DYNC1I1: variants seen among roughly 807,000 people sequenced by gnomAD.
DYNC1I1 encodes the protein dynein cytoplasmic 1 intermediate chain 1, also known as cytoplasmic dynein 1 intermediate chain 1.
DYNC1I1 carries 43 observed loss-of-function variants against 86.6 expected under a neutral mutation model. That is an observed-to-expected ratio of 0.50 (90% confidence interval 0.39 to 0.64). The LOEUF is 0.64. Among genes scored for constraint, DYNC1I1 ranks in the 30% least tolerant of loss-of-function variants. DYNC1I1 has a pLI of 0.00. For missense variants in DYNC1I1, 604 were observed against 788.8 expected, an observed-to-expected ratio of 0.77 and a Z score of 2.81; for synonymous variants, 262 against 283.7, an observed-to-expected ratio of 0.92 and a Z score of 0.77.
chr7:95,944,567 A>G (rs1210085075), intron 6 of DYNC1I1, among the ~76,000 whole-genome samples: 1 of 152,172 alleles, frequency 6.6e-6, no homozygotes, highest in Non-Finnish European at 1.5e-5. Context: ...ATAAAGACAC[A>G]TGCACATGTA....
intron 15 of DYNC1I1, among the ~76,000 whole-genome samples, chr7:96,078,338 C>G (rs1790404988): frequency 1.3e-5 from 2 of 152,080 alleles, no homozygotes; most frequent in Admixed American, 1.3e-4. Context: ...AAACAAAGTA[C>G]AGTATAAGAG....
chr7:95,804,307 G>A (rs1441362956), intron 1 of DYNC1I1: 7 of 1,204,454 alleles, frequency 5.8e-6, no homozygotes, highest in Middle Eastern at 2.3e-4. Context: ...TTTATGACAG[G>A]CTGTTTTCTT....
chr7:95,964,735 T>A (rs1792964243), intron 6 of DYNC1I1, among the ~76,000 whole-genome samples: 1 of 152,188 alleles, frequency 6.6e-6, no homozygotes, highest in East Asian at 1.9e-4. Context: ...ACAAGTGCCA[T>A]GTGCCAGGGC....
intron 14 of DYNC1I1, 104 bp downstream of exon 14, chr7:96,039,525 G>A (rs1408290031): frequency 4.1e-6 from 6 of 1,451,518 alleles, no homozygotes; most frequent in Non-Finnish European, 2.8e-6. Flanking sequence ...AGGCAACCTG[G>A]CATTGGGAAT....
chr7:96,017,619 A>G (rs775738086), intron 10 of DYNC1I1, among the ~76,000 whole-genome samples: 1 of 152,208 alleles, frequency 6.6e-6, no homozygotes, highest in Non-Finnish European at 1.5e-5. Context: ...ATTATTTCAT[A>G]TCATGTGAGT....
At chr7:96,000,326 C>T (rs1321001432) in intron 10 of DYNC1I1, among the ~76,000 whole-genome samples, 2 of 152,062 alleles carry the variant, frequency 1.3e-5, no homozygotes, top group East Asian at 3.9e-4. Flanking sequence ...TTCAAAGTGC[C>T]TCAGGATGGG....
At chr7:96,003,368 G>C (rs1193784769) in intron 10 of DYNC1I1, among the ~76,000 whole-genome samples, 1 of 152,174 alleles carries the variant, frequency 6.6e-6, no homozygotes, top group African/African-American at 2.4e-5. Flanking sequence ...CATTTGCCGT[G>C]CTTAACACAC....
At chr7:96,044,656 C>T (rs867911469) in intron 14 of DYNC1I1, among the ~76,000 whole-genome samples, 26 of 152,090 alleles carry the variant, frequency 1.7e-4, no homozygotes, top group African/African-American at 6.3e-4. Context: ...AACAGAAGAG[C>T]AGGTAAGGAT....
At chr7:95,919,503 T>C (rs1199094736) in intron 6 of DYNC1I1, among the ~76,000 whole-genome samples, 1 of 152,214 alleles carries the variant, frequency 6.6e-6, no homozygotes, top group African/African-American at 2.4e-5. Flanking sequence ...TAGGTAAATA[T>C]GTAAAACAAA....
Position 95,973,729 on chromosome 7 carries a change from G to T in DYNC1I1, c.491-3783G>T, listed in dbSNP as rs1350583478. On this transcript the variant is annotated intron_variant, in intron 6 of 16. Coordinates refer to ENST00000447467, the MANE Select transcript of DYNC1I1 (RefSeq NM_001135556.2). Reference sequence around the variant, plus strand: ...TCGTAGTGGCATTTTTGGTCATGGTGTTTCTTTTTTGACTCTTCTGAGAAT... The same window carrying T: ...TCGTAGTGGCATTTTTGGTCATGGTTTTTCTTTTTTGACTCTTCTGAGAAT... 2.0e-5 allele frequency among the ~76,000 whole-genome samples: 3 copies of T among 152,194 alleles called. No individual in the cohort carries two copies. The East Asian group carries it at 5.8e-4, about 29-fold the overall frequency.
chr7:95,939,922 G>A (rs1792155940), intron 6 of DYNC1I1, among the ~76,000 whole-genome samples: 1 of 152,172 alleles, frequency 6.6e-6, no homozygotes, highest in Admixed American at 6.5e-5. Context: ...GCATGATTTT[G>A]CAGTGGCTGG....
chr7:96,009,064 A>G (rs1438111360), intron 10 of DYNC1I1, among the ~76,000 whole-genome samples: 1 of 152,180 alleles, frequency 6.6e-6, no homozygotes, highest in Non-Finnish European at 1.5e-5. Context: ...CTATCTAGCA[A>G]TCAATCAAAT....
intron 4 of DYNC1I1, among the ~76,000 whole-genome samples, chr7:95,819,539 C>G (rs1351044446): frequency 2.0e-5 from 3 of 151,818 alleles, no homozygotes; most frequent in African/African-American, 7.3e-5. Flanking sequence ...CTAAGATGCT[C>G]TGATAAATCA....
chr7:95,995,889 A>G (rs1306126441), intron 9 of DYNC1I1, 59 bp from the exon 10 acceptor site: 2 of 1,539,498 alleles, frequency 1.3e-6, no homozygotes, highest in Non-Finnish European at 1.7e-6. Flanking sequence ...TAGGAATAAC[A>G]AAGTTTTCCT....
chr7:96,053,604 A>G (rs1394331532), intron 14 of DYNC1I1, among the ~76,000 whole-genome samples: 2 of 152,218 alleles, frequency 1.3e-5, no homozygotes, highest in African/African-American at 4.8e-5. Context: ...TAAAAGTGGC[A>G]AGACAAAAAG....
intron 10 of DYNC1I1, among the ~76,000 whole-genome samples, chr7:96,009,017 A>G (rs1794208908): frequency 6.6e-6 from 1 of 152,182 alleles, no homozygotes; most frequent in Admixed American, 6.5e-5. Context: ...ATAACATCAA[A>G]TTTGTTTTCC....
intron 14 of DYNC1I1, 142 bp downstream of exon 14, chr7:96,039,563 A>G (rs1305517050): frequency 3.3e-6 from 3 of 914,816 alleles, no homozygotes. Context: ...AGCTCAGTCT[A>G]CCTCAGAGCT....
At chr7:96,053,063 T>C (rs1034572254) in intron 14 of DYNC1I1, among the ~76,000 whole-genome samples, 1 of 152,210 alleles carries the variant, frequency 6.6e-6, no homozygotes, top group Non-Finnish European at 1.5e-5. Flanking sequence ...CAGTAGTTGA[T>C]TGGATTATGA....
chr7:95,847,257 T>C (rs572475864), intron 5 of DYNC1I1, among the ~76,000 whole-genome samples: 7 of 152,336 alleles, frequency 4.6e-5, no homozygotes, highest in African/African-American at 1.7e-4. Flanking sequence ...CTGTTGCCAC[T>C]TAGTGCTTTC....
Sources: gnomAD v4.1 joint callset for allele counts (sites outside exome capture counted in the v4.1 genomes callset) on GRCh38, gnomAD v4.1.1 for gene constraint, MANE v1.5 for transcripts, NCBI Gene and HGNC (gene_info 2026-07-23, HGNC 2026-07-21) for gene names.